Variants in CDH12 observed in about 807,000 individuals in gnomAD.
CDH12 encodes the protein cadherin 12, also known as cadherin-12.
A neutral mutation model predicts 74.1 loss-of-function variants in CDH12; 41 were observed. The observed-to-expected ratio is 0.55, with a 90% CI of 0.43 to 0.72. CDH12 has a LOEUF of 0.72. Ranked by LOEUF, CDH12 falls within the 30% of genes least tolerant of loss-of-function variation. CDH12 has a pLI of 0.00. For synonymous variants in CDH12, 399 were observed against 355.0 expected, an observed-to-expected ratio of 1.12 and a Z score of -1.39; for missense variants, 945 against 977.2, an observed-to-expected ratio of 0.97 and a Z score of 0.44.
chr5:22,094,663 A>G (rs1242051176), intron 4 of CDH12, among the ~76,000 whole-genome samples: 1 of 152,166 alleles, frequency 6.6e-6, no homozygotes, highest in Non-Finnish European at 1.5e-5. Context: ...GCCCAGCTAC[A>G]TATCAGTATA....
chr5:22,467,210 T>C (rs923320806), intron 2 of CDH12, among the ~76,000 whole-genome samples: 5 of 152,142 alleles, frequency 3.3e-5, no homozygotes, highest in African/African-American at 1.2e-4. Flanking sequence ...AATTGGAACC[T>C]TGACAGCCCG....
intron 3 of CDH12, among the ~76,000 whole-genome samples, chr5:22,288,923 A>G (rs192599477): frequency 8.5e-5 from 13 of 152,314 alleles, no homozygotes; most frequent in Admixed American, 7.8e-4. Flanking sequence ...TGAAAACTGT[A>G]TTCTTAGTTA....
At chr5:22,241,349 G>A (rs547425903) in intron 3 of CDH12, among the ~76,000 whole-genome samples, 181 of 151,868 alleles carry the variant, frequency 1.2e-3, no homozygotes, top group African/African-American at 4.2e-3. Context: ...ATATGACTAC[G>A]TTAAACTTCC....
intron 3 of CDH12, among the ~76,000 whole-genome samples, chr5:22,366,150 G>T (rs968125620): frequency 3.9e-5 from 6 of 151,982 alleles, no homozygotes; most frequent in Non-Finnish European, 8.8e-5. Context: ...GTAGAGATGG[G>T]TTTTCACTGT....
intron 10 of CDH12, among the ~76,000 whole-genome samples, chr5:21,790,124 A>G (rs1746409448): frequency 6.6e-6 from 1 of 152,060 alleles, no homozygotes; most frequent in South Asian, 2.1e-4. Flanking sequence ...TTTCCCAGAT[A>G]AGATTGGGAA....
At chr5:22,507,250 C>A (rs1355702766) in intron 1 of CDH12, among the ~76,000 whole-genome samples, 1 of 152,056 alleles carries the variant, frequency 6.6e-6, no homozygotes, top group Non-Finnish European at 1.5e-5. Context: ...AATATATTTT[C>A]TTCTATTGAG....
chr5:22,581,178 C>G (rs1210534139), intron 1 of CDH12, among the ~76,000 whole-genome samples: 1 of 152,220 alleles, frequency 6.6e-6, no homozygotes, highest in Non-Finnish European at 1.5e-5. Flanking sequence ...CAGAGGTCTT[C>G]ACTGCAGCCC....
intron 2 of CDH12, among the ~76,000 whole-genome samples, chr5:22,488,605 C>T (rs1206276148): frequency 1.3e-5 from 2 of 152,170 alleles, no homozygotes; most frequent in African/African-American, 4.8e-5. Flanking sequence ...CATACCTCTA[C>T]TCATCTTCTT....
intron 6 of CDH12, among the ~76,000 whole-genome samples, chr5:21,857,973 CAGAG>C (rs370975450): frequency 1.3e-5 from 2 of 148,896 alleles, no homozygotes; most frequent in Admixed American, 6.7e-5. Context: ...GAGGCAGAGA[CAGAG>C]AGAGAGAGAG....
At chr5:22,076,094 A>G (rs1270301203) in intron 5 of CDH12, among the ~76,000 whole-genome samples, 1 of 152,112 alleles carries the variant, frequency 6.6e-6, no homozygotes, top group African/African-American at 2.4e-5. Flanking sequence ...CATCTGCATT[A>G]GAAATGTACA....
chr5:22,144,990 A>C lies in CDH12; in HGVS notation c.-186-66128T>G, dbSNP rs541099040. 5.9e-4 allele frequency among the ~76,000 whole-genome samples: 90 copies of C among 152,206 alleles called. 1 individual carries two copies. In the South Asian group the frequency reaches 0.013, roughly 23 times the overall value. On this transcript the variant is annotated intron_variant, in intron 4 of 14. Transcript: ENST00000382254. ...TGGAGGAACTTGATTATATTATAAA[A>C]AGGGGACTACAATCCTAGAGTTGGA...
intron 8 of CDH12, among the ~76,000 whole-genome samples, chr5:21,820,836 C>T (rs1748327817): frequency 6.6e-6 from 1 of 151,944 alleles, no homozygotes; most frequent in Non-Finnish European, 1.5e-5. Flanking sequence ...ATTACACCGC[C>T]ACCGTCTTCC....
chr5:22,589,408 A>G (rs1454219426), intron 1 of CDH12, among the ~76,000 whole-genome samples: 1 of 152,170 alleles, frequency 6.6e-6, no homozygotes, highest in African/African-American at 2.4e-5. Context: ...TAATCCATCA[A>G]GATTTTGAGG....
intron 1 of CDH12, among the ~76,000 whole-genome samples, chr5:22,640,841 T>A (rs1406797729): frequency 6.6e-6 from 1 of 152,142 alleles, no homozygotes; most frequent in East Asian, 1.9e-4. Flanking sequence ...TATTCTCTGG[T>A]CACTATTCAT....
At position 22,658,939 on chromosome 5, in the gene CDH12, A is replaced by G. The variant is rs551090628; in HGVS notation, c.-522-153575T>C. ...GGGGGATGTATTTTATTTTTCATTT[A>G]GAGTTCAACAGTACAAATTTATCTC... is the stretch of plus-strand genomic sequence containing the variant. On this transcript the variant is annotated intron_variant, in intron 1 of 14. Coordinates refer to ENST00000382254, the MANE Select transcript of CDH12 (RefSeq NM_004061.5). Among the ~76,000 whole-genome samples, 64 of 152,298 alleles carry G rather than the reference A, an allele frequency of 4.2e-4. No individual in the cohort carries two copies. In the South Asian group the frequency reaches 0.013, roughly 30 times the overall value.
At chr5:22,367,833 A>T (rs2126329551) in intron 3 of CDH12, among the ~76,000 whole-genome samples, 1 of 152,302 alleles carries the variant, frequency 6.6e-6, no homozygotes, top group East Asian at 1.9e-4. Flanking sequence ...TGTCATCTCC[A>T]TCTGCATTTG....
chr5:22,436,154 A>T (rs1744378584), intron 2 of CDH12, among the ~76,000 whole-genome samples: 1 of 151,068 alleles, frequency 6.6e-6, no homozygotes, highest in Non-Finnish European at 1.5e-5. Context: ...CATTCTCAGC[A>T]AACTATCGCA....
intron 1 of CDH12, among the ~76,000 whole-genome samples, chr5:22,589,431 C>A (rs1193869871): frequency 1.3e-5 from 2 of 152,166 alleles, no homozygotes; most frequent in Non-Finnish European, 2.9e-5. Context: ...CATGGCTCCT[C>A]AAGCTAAACC....
intron 1 of CDH12, among the ~76,000 whole-genome samples, chr5:22,552,950 T>A (rs954360937): frequency 1.3e-5 from 2 of 152,152 alleles, no homozygotes; most frequent in Non-Finnish European, 2.9e-5. Flanking sequence ...GAATTAACAT[T>A]CTTTTCAATA....
Sources: gnomAD v4.1 joint callset for allele counts (sites outside exome capture counted in the v4.1 genomes callset) on GRCh38, gnomAD v4.1.1 for gene constraint, MANE v1.5 for transcripts, NCBI Gene and HGNC (gene_info 2026-07-23, HGNC 2026-07-21) for gene names.